Variants in MIPOL1 observed in about 807,000 individuals in gnomAD.
The protein encoded by MIPOL1 is mirror-image polydactyly gene 1 protein.
A neutral mutation model predicts 60.9 loss-of-function variants in MIPOL1; 57 were observed. The observed-to-expected ratio is 0.94, with a 90% CI of 0.76 to 1.17. The LOEUF is 1.17. Among genes scored for constraint, MIPOL1 ranks in the 50% most tolerant of loss-of-function variants. The probability of loss-of-function intolerance (pLI) is 0.00; values close to 1 mark genes in which losing one functional copy is unlikely to be tolerated. For synonymous variants in MIPOL1, 179 were observed against 168.8 expected, an observed-to-expected ratio of 1.06 and a Z score of -0.47; for missense variants, 551 against 511.6, an observed-to-expected ratio of 1.08 and a Z score of -0.74.
chr14:37,369,444 C>A, intron 9 of MIPOL1, 73 bp from the exon 10 acceptor site: 2 of 982,942 alleles, frequency 2.0e-6, no homozygotes, highest in Non-Finnish European at 3.1e-6. Context: ...ATATTATTTA[C>A]ATTAATTCAT....
intron 9 of MIPOL1, among the ~76,000 whole-genome samples, chr14:37,336,040 T>A (rs2090083611): frequency 6.6e-6 from 1 of 151,932 alleles, no homozygotes; most frequent in African/African-American, 2.4e-5. Flanking sequence ...GGTCTTATGT[T>A]TAGGTCTTTG....
At chr14:37,331,836 G>GAGA (rs1281907419) in intron 9 of MIPOL1, among the ~76,000 whole-genome samples, 2 of 152,082 alleles carry the variant, frequency 1.3e-5, no homozygotes, top group Non-Finnish European at 2.9e-5. Flanking sequence ...GAGTGTCCTT[G>GAGA]TCTTGTTCGA....
chr14:37,437,251 A>G (rs537540844), intron 11 of MIPOL1, among the ~76,000 whole-genome samples: 3 of 152,142 alleles, frequency 2.0e-5, no homozygotes, highest in Non-Finnish European at 4.4e-5. Flanking sequence ...TTCAGTTACT[A>G]TGTAAAGCAA....
chr14:37,261,717 C>A (rs1055312906), intron 3 of MIPOL1, among the ~76,000 whole-genome samples: 2 of 152,190 alleles, frequency 1.3e-5, no homozygotes, highest in African/African-American at 4.8e-5. Flanking sequence ...TTTGTGCTAA[C>A]ACTTTTCTAA....
At chr14:37,389,616 A>G (rs569299185) in intron 10 of MIPOL1, among the ~76,000 whole-genome samples, 2 of 150,980 alleles carry the variant, frequency 1.3e-5, no homozygotes, top group Non-Finnish European at 2.9e-5. Context: ...TAGAGAGACT[A>G]AAACAGTTGA....
At chr14:37,406,330 G>T (rs1229907609) in intron 10 of MIPOL1, among the ~76,000 whole-genome samples, 1 of 152,076 alleles carries the variant, frequency 6.6e-6, no homozygotes, top group African/African-American at 2.4e-5. Flanking sequence ...GACAAGTTTG[G>T]TTCAGCATGT....
intron 7 of MIPOL1, among the ~76,000 whole-genome samples, chr14:37,302,074 G>A (rs1412960470): frequency 7.1e-6 from 1 of 140,032 alleles, no homozygotes; most frequent in African/African-American, 2.6e-5. Context: ...TCACATACAG[G>A]TTTTTGTCTG....
intron 10 of MIPOL1, among the ~76,000 whole-genome samples, chr14:37,390,973 A>G (rs2093220676): frequency 6.6e-6 from 1 of 152,122 alleles, no homozygotes; most frequent in African/African-American, 2.4e-5. Context: ...ACACATGGAC[A>G]CAATACAATT....
At chr14:37,330,567 C>G (rs2089585799) in intron 9 of MIPOL1, among the ~76,000 whole-genome samples, 1 of 152,098 alleles carries the variant, frequency 6.6e-6, no homozygotes, top group African/African-American at 2.4e-5. Flanking sequence ...GTTTGGATTA[C>G]CATTTCCTCT....
chr14:37,397,805 G>A (rs538841293), intron 10 of MIPOL1, among the ~76,000 whole-genome samples: 10 of 152,192 alleles, frequency 6.6e-5, no homozygotes, highest in African/African-American at 2.4e-4. Flanking sequence ...CTAAAGGGCC[G>A]GTCTCACTCC....
chr14:37,454,185 C>A (rs1243593541), intron 11 of MIPOL1, among the ~76,000 whole-genome samples: 2 of 152,206 alleles, frequency 1.3e-5, no homozygotes, highest in African/African-American at 4.8e-5. Flanking sequence ...ACTAGCTCTG[C>A]TCATGACCTG....
Position 37,234,543 on chromosome 14 carries a change from C to T in MIPOL1, c.-198-12560C>T, listed in dbSNP as rs192477160. Among the ~76,000 whole-genome samples, 730 of 151,928 alleles carry T rather than the reference C, an allele frequency of 4.8e-3. 5 individuals carry two copies. Among genetic ancestry groups the T allele is most frequent in the Middle Eastern group, 6.8e-3 (2 of 294 alleles). On this transcript the variant is annotated intron_variant, in intron 1 of 12. Coordinates refer to ENST00000684589, the MANE Select transcript of MIPOL1 (RefSeq NM_001388067.1). ...AGAGATGAGGTCTGGCTATGTTACC[C>T]AGGCAGCTCTTTAACTCCTGGCCTC...
At chr14:37,372,750 GTCT>G (rs2092674448) in intron 10 of MIPOL1, among the ~76,000 whole-genome samples, 1 of 42,188 alleles carries the variant, frequency 2.4e-5, no homozygotes, top group African/African-American at 6.5e-5. Context: ...GTGAGACTCC[GTCT>G]CAAAAAAAAA....
intron 7 of MIPOL1, among the ~76,000 whole-genome samples, chr14:37,287,920 G>A (rs1242915041): frequency 6.6e-6 from 1 of 151,824 alleles, no homozygotes; most frequent in East Asian, 2.0e-4. Context: ...TGAGCCACCA[G>A]GCCTGGTCAG....
At chr14:37,232,656 C>G (rs928817426) in intron 1 of MIPOL1, among the ~76,000 whole-genome samples, 2 of 152,052 alleles carry the variant, frequency 1.3e-5, no homozygotes, top group Non-Finnish European at 2.9e-5. Context: ...ATACTTGTAC[C>G]TTTTTATAGT....
intron 7 of MIPOL1, among the ~76,000 whole-genome samples, chr14:37,294,847 C>T (rs1259958569): frequency 1.3e-5 from 2 of 151,840 alleles, no homozygotes; most frequent in African/African-American, 4.8e-5. Context: ...CTGAAAGTGA[C>T]GGGGAGAATG....
At chr14:37,456,944 G>T (rs923686806) in intron 11 of MIPOL1, among the ~76,000 whole-genome samples, 1 of 152,046 alleles carries the variant, frequency 6.6e-6, no homozygotes, top group African/African-American at 2.4e-5. Flanking sequence ...CTTGAAAATT[G>T]TAACTAATAT....
intron 9 of MIPOL1, among the ~76,000 whole-genome samples, chr14:37,346,798 G>T (rs2090978112): frequency 6.6e-6 from 1 of 152,006 alleles, no homozygotes; most frequent in Non-Finnish European, 1.5e-5. Context: ...ACCATAGAAA[G>T]AATACCTCTT....
chr14:37,522,953 T>G (rs569682743), intron 12 of MIPOL1, among the ~76,000 whole-genome samples: 1 of 152,232 alleles, frequency 6.6e-6, no homozygotes, highest in East Asian at 1.9e-4. Flanking sequence ...TTTTTATCCT[T>G]AGTAATTGAA....
Sources: gnomAD v4.1 joint callset for allele counts (sites outside exome capture counted in the v4.1 genomes callset) on GRCh38, gnomAD v4.1.1 for gene constraint, MANE v1.5 for transcripts, NCBI Gene and HGNC (gene_info 2026-07-23, HGNC 2026-07-21) for gene names.